The following CAPN6 variants were observed in gnomAD, a reference collection of about 807,000 sequenced individuals.
CAPN6 encodes the protein calpain 6, also known as calpain-6.
Under a neutral mutation model 46.0 loss-of-function variants are expected in CAPN6, and 16 were observed. That is an observed-to-expected ratio of 0.35 (90% CI 0.24 to 0.53). The LOEUF is 0.53. CAPN6 is among the 20% of genes least tolerant of loss of function. CAPN6 has a pLI of 0.94. For synonymous variants in CAPN6, 206 were observed against 172.8 expected (o/e 1.19, Z -1.51); for missense variants, 461 against 498.0 (o/e 0.93, Z 0.71).
intron 1 of CAPN6, among the ~76,000 whole-genome samples, chrX:111,269,562 A>G (rs2094994481): frequency 9.0e-6 from 1 of 111,627 alleles, no homozygotes; most frequent in South Asian, 3.8e-4. Flanking sequence ...CTCAGAACCA[A>G]TTGTTTCCAT....
At chrX:111,268,770 T>C (rs2094993892) in intron 1 of CAPN6, among the ~76,000 whole-genome samples, 1 of 112,648 alleles carries the variant, frequency 8.9e-6, no homozygotes, top group African/African-American at 3.2e-5. Flanking sequence ...AATGTTATGT[T>C]GGAAAGTCTG....
chrX:111,265,121 T>C (rs1316100860), intron 1 of CAPN6, among the ~76,000 whole-genome samples: 1 of 112,207 alleles, frequency 8.9e-6, no homozygotes, highest in Non-Finnish European at 1.9e-5. Context: ...ACGTTAGCAC[T>C]TTAAGGAGTA....
chrX:111,249,890 AGAAG>A (rs1271158030), intron 8 of CAPN6, among the ~76,000 whole-genome samples: 1 of 84,856 alleles, frequency 1.2e-5, no homozygotes. Context: ...TAGGAAGAAA[AGAAG>A]GGAGGGAGGG....
rs770954932 is a variant in CAPN6 at position 111,254,335 on chromosome X, C to A, written c.234G>T (p.Leu78=). ...ISNHQLTQGR[L]GHKPMVSAFS... is the part of the protein sequence containing the mutation. Reference sequence around the variant, plus strand: ...ATGCAGAAACCATTGGCTTGTGCCCCAGTCTCCCTTGGGTCAGCTGGTGGT... The same window carrying A: ...ATGCAGAAACCATTGGCTTGTGCCCAAGTCTCCCTTGGGTCAGCTGGTGGT... The change falls in exon 3 of 13, where the codon CTG becomes CTT. Residue 78 remains leucine, a synonymous_variant. Coordinates refer to ENST00000324068, the MANE Select transcript of CAPN6 (RefSeq NM_014289.4). 1 of 1,209,609 alleles carries A rather than the reference C, an allele frequency of 8.3e-7. No homozygotes were observed. Among genetic ancestry groups the A allele is most frequent in the Non-Finnish European group, 1.1e-6 (1 of 893,864 alleles).
At chrX:111,256,886 C>G (rs1210815349) in intron 2 of CAPN6, among the ~76,000 whole-genome samples, 2 of 105,484 alleles carry the variant, frequency 1.9e-5, no homozygotes, top group African/African-American at 6.7e-5. Context: ...TATAAACTGG[C>G]CCATTCTCCA....
intron 5 of CAPN6, 49 bp from the exon 6 acceptor site, chrX:111,251,791 T>C (rs2094979818): frequency 9.9e-7 from 1 of 1,008,393 alleles, no homozygotes; most frequent in South Asian, 2.2e-5. Flanking sequence ...GGAGACCCAA[T>C]CCTGACTCCT....
chrX:111,256,259 C>T (rs1055857556), intron 2 of CAPN6, among the ~76,000 whole-genome samples: 4 of 110,576 alleles, frequency 3.6e-5, no homozygotes, highest in Non-Finnish European at 5.7e-5. Flanking sequence ...ATTAGCCAGG[C>T]GTGGTGGCAG....
intron 6 of CAPN6, 98 bp downstream of exon 6, chrX:111,251,451 T>A: frequency 1.1e-6 from 1 of 902,391 alleles, no homozygotes; most frequent in Non-Finnish European, 1.6e-6. Flanking sequence ...CCCACAGATG[T>A]CACTGAGCAT....
intron 8 of CAPN6, among the ~76,000 whole-genome samples, chrX:111,249,973 A>G (rs1201192443): frequency 9.0e-6 from 1 of 111,417 alleles, no homozygotes; most frequent in African/African-American, 3.3e-5. Flanking sequence ...GTACATACAT[A>G]TAGAGTGAAG....
rs2094974643 is a variant in CAPN6, at chrX:111,246,514, C to A, written c.*63G>T. The A allele has an allele frequency of 4.3e-6, 4 of 932,951 alleles. No homozygotes were observed. In the South Asian group the frequency reaches 6.7e-5, roughly 16 times the overall value. 76.9% of individuals were successfully genotyped at this position (932,951 alleles called of 1,213,427 possible). A position where few individuals can be genotyped will look rare whatever the true frequency, so the allele number is the denominator to read the frequency against. Reference sequence around the variant, plus strand: ...TAAAGATTGTGAATCTTAACTAAGACCTGGCACCTGACGGAAAATAAAAGG... The same window carrying A: ...TAAAGATTGTGAATCTTAACTAAGAACTGGCACCTGACGGAAAATAAAAGG... On this transcript the variant is annotated 3_prime_UTR_variant, in exon 13 of 13. Coordinates refer to ENST00000324068, the MANE Select transcript of CAPN6 (RefSeq NM_014289.4).
At chrX:111,254,953 C>A (rs781250896) in intron 2 of CAPN6, among the ~76,000 whole-genome samples, 3 of 111,662 alleles carry the variant, frequency 2.7e-5, no homozygotes, top group African/African-American at 6.5e-5. Flanking sequence ...TCCATAGCAA[C>A]CAGATTTTTC....
In CAPN6 at chrX:111,270,437, G is replaced by C; in HGVS notation, c.-82C>G. ...TGCTGCTGCTGCTGCCGTTGCCGCT[G>C]CTGCTGTTAGCCAGGTAACCCCACT... On this transcript the variant is annotated 5_prime_UTR_variant, in exon 1 of 13. Coordinates refer to ENST00000324068, the MANE Select transcript of CAPN6 (RefSeq NM_014289.4). 5.7e-6 allele frequency: 2 copies of C among 348,814 alleles called. No homozygotes were observed. Among genetic ancestry groups the C allele is most frequent in the South Asian group, 5.2e-5 (2 of 38,487 alleles). 28.7% of individuals were successfully genotyped at this position (348,814 alleles called of 1,213,427 possible). A position where few individuals can be genotyped will look rare whatever the true frequency, so the allele number is the denominator to read the frequency against.
Position 111,250,966 on chromosome X carries a change from C to T in CAPN6, c.1109G>A (p.Arg370His). ...ACGGTTGTTATAGCAGCCTCCTGAG[C>T]GGTTCATCAGGGGATCATCATCCAC... ...WTVDDDPLMNRSGGCYNNRDT... is the reference protein window; with the variant it reads ...WTVDDDPLMNHSGGCYNNRDT... Residue 370 changes from arginine (R) to histidine (H), a missense_variant, in exon 8 of 13, where the codon CGC becomes CAC. Physicochemically the swap from Arg to His is conservative, Grantham distance 29 (BLOSUM62 0). Transcript: ENST00000324068. 2 of 1,210,751 alleles carry T rather than the reference C, an allele frequency of 1.7e-6. No homozygotes were observed. The highest frequency in any genetic ancestry group is 1.8e-5 in the South Asian group (1 of 56,909).
Position 111,252,398 on chromosome X carries a change from C to G in CAPN6, c.608G>C (p.Arg203Thr). Residue 203 changes from arginine (R) to threonine (T), a missense_variant, in exon 5 of 13, where the codon AGA becomes ACA. Physicochemically the swap from Arg to Thr is moderately conservative, Grantham distance 71 (BLOSUM62 -1). Coordinates refer to ENST00000324068, the MANE Select transcript of CAPN6 (RefSeq NM_014289.4). ...LAETVDMQKG[R>T]YTELVEEKYK... The stretch of plus-strand genomic sequence containing the variant: ...CTTCTCCTCAACAAGCTCAGTGTAT[C>G]TTCCTTTCTGCATGTCAACAGTTTC... 8.3e-7 allele frequency: 1 copy of G among 1,210,085 alleles called. No individual in the cohort carries two copies. The highest frequency in any genetic ancestry group is 1.1e-6 in the Non-Finnish European group (1 of 893,995).
rs2094975486 is a variant in CAPN6 at position 111,247,454 on chromosome X, G to C, written c.1657C>G (p.Pro553Ala). ...IKCGKEEVRS[P>A]VQKNTVHAIF... is the part of the protein sequence containing the mutation. ...GCATGAACTGTATTCTTCTGGACAGGAGAACGGACTTCCTCCTTTCCACAT... is the reference window on the plus strand; with the variant it reads ...GCATGAACTGTATTCTTCTGGACAGCAGAACGGACTTCCTCCTTTCCACAT... Residue 553 changes from proline (P) to alanine (A), a missense_variant, in exon 12 of 13, where the codon CCT becomes GCT. Pro to Ala is a conservative substitution (Grantham distance 27). Coordinates refer to ENST00000324068, the MANE Select transcript of CAPN6 (RefSeq NM_014289.4). 1 of 1,207,087 alleles carries C rather than the reference G, an allele frequency of 8.3e-7. No individual in the cohort carries two copies.
chrX:111,257,050 G>A (rs775950958), intron 2 of CAPN6, among the ~76,000 whole-genome samples: 1 of 111,316 alleles, frequency 9.0e-6, no homozygotes, highest in South Asian at 3.8e-4. Flanking sequence ...TCAGAGAGGG[G>A]CAATAACTTG....
intron 8 of CAPN6, 40 bp from the exon 9 acceptor site, chrX:111,249,097 C>T (rs2094977010): frequency 3.4e-6 from 4 of 1,186,337 alleles, no homozygotes; most frequent in Non-Finnish European, 1.1e-6. Flanking sequence ...GTTAGCATTC[C>T]CATTTCATAT....
At chrX:111,257,354 T>C (rs1023180632) in intron 2 of CAPN6, among the ~76,000 whole-genome samples, 13 of 112,202 alleles carry the variant, frequency 1.2e-4, no homozygotes, top group African/African-American at 4.2e-4. Flanking sequence ...GGTTCCAGGA[T>C]GAATATCACT....
At chrX:111,258,716 C>G (rs1603408888) in intron 2 of CAPN6, among the ~76,000 whole-genome samples, 1 of 111,868 alleles carries the variant, frequency 8.9e-6, no homozygotes, top group East Asian at 2.8e-4. Flanking sequence ...TAGGCCCAAC[C>G]TCCACTTCCA....
Sources: gnomAD v4.1 joint callset for allele counts (sites outside exome capture counted in the v4.1 genomes callset) on GRCh38, gnomAD v4.1.1 for gene constraint, MANE v1.5 for transcripts, NCBI Gene and HGNC (gene_info 2026-07-23, HGNC 2026-07-21) for gene names.